The following OSBPL9 variants were observed in gnomAD, a reference collection of about 807,000 sequenced individuals.
The protein encoded by OSBPL9 is oxysterol-binding protein-related protein 9.
Under a neutral mutation model 106.6 loss-of-function variants are expected in OSBPL9, and 40 were observed. That is an observed-to-expected ratio of 0.38 (90% CI 0.29 to 0.49). The LOEUF (loss-of-function observed/expected upper bound fraction) is 0.49. OSBPL9 is among the 20% of genes least tolerant of loss of function. OSBPL9 has a pLI of 0.97. For synonymous variants in OSBPL9, 269 were observed against 295.4 expected, an observed-to-expected ratio of 0.91 and a Z score of 0.92; for missense variants, 609 against 887.2, an observed-to-expected ratio of 0.69 and a Z score of 3.98.
In OSBPL9 at chr1:51,741,634, T is replaced by C. The variant is rs549085691; in HGVS notation, c.319-3902T>C. The stretch of plus-strand genomic sequence containing the variant: ...AGAGTAGCTTTATTAATAAAGTGTT[T>C]TTGAAAAACAGAGACTTTTTTTTTT... On this transcript the variant is annotated intron_variant, in intron 4 of 23. Transcript: ENST00000428468. Among the ~76,000 whole-genome samples the C allele has an allele frequency of 2.7e-5, 4 of 147,620 alleles. No individual in the cohort carries two copies. In the East Asian group the frequency reaches 7.7e-4, roughly 28 times the overall value.
the OSBPL9 span, among the ~76,000 whole-genome samples, chr1:51,537,637 G>C: frequency 6.6e-6 from 1 of 152,110 alleles, no homozygotes; most frequent in Admixed American, 6.5e-5. Context: ...GCTCACTGCA[G>C]ATATGAACTC....
At chr1:51,605,904 T>A (rs923169605) in intron 2 of OSBPL9, among the ~76,000 whole-genome samples, 2 of 151,660 alleles carry the variant, frequency 1.3e-5, no homozygotes, top group Non-Finnish European at 2.9e-5. Flanking sequence ...TGCTTGAACC[T>A]GGGAGGTGGA....
intron 6 of OSBPL9, among the ~76,000 whole-genome samples, 183 bp from the exon 7 acceptor site, chr1:51,748,186 T>A (rs904768255): frequency 2.0e-5 from 3 of 152,222 alleles, no homozygotes; most frequent in Admixed American, 1.3e-4. Flanking sequence ...CTGGAATTTT[T>A]ATACAAATAA....
At chr1:51,766,811 C>T (rs1672655903) in intron 12 of OSBPL9, among the ~76,000 whole-genome samples, 1 of 152,040 alleles carries the variant, frequency 6.6e-6, no homozygotes, top group Admixed American at 6.5e-5. Flanking sequence ...TGGCTCACGC[C>T]TGTAATCCCA....
chr1:51,618,626 G>A (rs1387278269), intron 1 of OSBPL9, among the ~76,000 whole-genome samples: 1 of 152,186 alleles, frequency 6.6e-6, no homozygotes, highest in Non-Finnish European at 1.5e-5. Context: ...GCGTTTTCAT[G>A]CCAGCAAGAA....
chr1:51,530,188 A>C, the OSBPL9 span, among the ~76,000 whole-genome samples: 4 of 95,406 alleles, frequency 4.2e-5, no homozygotes, highest in South Asian at 1.0e-3. Flanking sequence ...AAAAAAAAAA[A>C]AAAACAAAAA....
chr1:51,646,078 G>T (rs1297688824), intron 1 of OSBPL9, among the ~76,000 whole-genome samples: 5 of 152,106 alleles, frequency 3.3e-5, no homozygotes, highest in Admixed American at 2.6e-4. Flanking sequence ...TTTTTTTGAA[G>T]TTTGTTCTGG....
chr1:51,537,977 G>A, the OSBPL9 span, among the ~76,000 whole-genome samples: 1 of 151,882 alleles, frequency 6.6e-6, no homozygotes, highest in Non-Finnish European at 1.5e-5. Context: ...CAACATCAAT[G>A]TCTTTATTCA....
upstream of OSBPL9, among the ~76,000 whole-genome samples, chr1:51,573,082 C>T (rs1483944761): frequency 2.6e-5 from 4 of 152,026 alleles, no homozygotes; most frequent in Non-Finnish European, 5.9e-5. Context: ...TGTGATGGCA[C>T]ATGCCTGTAG....
intron 16 of OSBPL9, among the ~76,000 whole-genome samples, chr1:51,782,288 T>C (rs1337591562): frequency 6.6e-6 from 1 of 152,224 alleles, no homozygotes; most frequent in Non-Finnish European, 1.5e-5. Flanking sequence ...GACAAGTATG[T>C]GTCTGTTCTT....
At chr1:51,746,674 G>A in intron 5 of OSBPL9, 36 bp from the exon 6 acceptor site, 1 of 1,494,442 alleles carries the variant, frequency 6.7e-7, no homozygotes, top group Middle Eastern at 1.7e-4. Flanking sequence ...ATAGTAAAGT[G>A]GCTTGATACT....
intron 3 of OSBPL9, among the ~76,000 whole-genome samples, chr1:51,674,983 C>G (rs963192092): frequency 1.3e-5 from 2 of 152,220 alleles, no homozygotes; most frequent in Non-Finnish European, 2.9e-5. Flanking sequence ...CAAAGCCATC[C>G]TGTGCTACAT....
At chr1:51,710,783 T>C (rs545142371) in intron 3 of OSBPL9, among the ~76,000 whole-genome samples, 1 of 152,346 alleles carries the variant, frequency 6.6e-6, no homozygotes, top group East Asian at 1.9e-4. Context: ...TCTCCCTGGC[T>C]GTTTTAAAGA....
chr1:51,558,096 C>G, the OSBPL9 span, among the ~76,000 whole-genome samples: 1 of 152,094 alleles, frequency 6.6e-6, no homozygotes, highest in South Asian at 2.1e-4. Context: ...CTGGCTAACA[C>G]GGTGAAACCC....
chr1:51,592,635 G>A (rs1355069790), intron 1 of OSBPL9, among the ~76,000 whole-genome samples: 1 of 152,144 alleles, frequency 6.6e-6, no homozygotes, highest in African/African-American at 2.4e-5. Flanking sequence ...GGAAGCCTAG[G>A]CAAGTCTTCC....
At chr1:51,602,348 C>T (rs1167774725) in intron 2 of OSBPL9, among the ~76,000 whole-genome samples, 1 of 151,612 alleles carries the variant, frequency 6.6e-6, no homozygotes, top group Admixed American at 6.6e-5. Context: ...TACCCTAACA[C>T]ATGTCTCACT....
intron 6 of OSBPL9, 89 bp from the exon 7 acceptor site, chr1:51,748,280 T>A (rs972305864): frequency 2.4e-5 from 34 of 1,442,662 alleles, no homozygotes; most frequent in Non-Finnish European, 3.1e-5. Context: ...TACATTTTGG[T>A]AAAATTCTTT....
intron 4 of OSBPL9, among the ~76,000 whole-genome samples, chr1:51,741,359 A>T (rs575140433): frequency 6.6e-6 from 1 of 151,658 alleles, no homozygotes; most frequent in East Asian, 1.9e-4. Context: ...TCTACTTTAG[A>T]TTTTGCTTCT....
upstream of OSBPL9, among the ~76,000 whole-genome samples, chr1:51,616,175 G>T (rs908461073): frequency 6.6e-6 from 1 of 151,972 alleles, no homozygotes; most frequent in South Asian, 2.1e-4. Flanking sequence ...AGTAGAGATG[G>T]GCTTTTACCA....
Sources: gnomAD v4.1 joint callset for allele counts (sites outside exome capture counted in the v4.1 genomes callset) on GRCh38, gnomAD v4.1.1 for gene constraint, MANE v1.5 for transcripts, NCBI Gene and HGNC (gene_info 2026-07-23, HGNC 2026-07-21) for gene names.